Variants in ARFGAP1 observed in about 807,000 individuals in gnomAD.
ARFGAP1 encodes ARF GTPase activating protein 1.
A neutral mutation model predicts 54.0 loss-of-function variants in ARFGAP1; 26 were observed. The observed-to-expected ratio is 0.48, with a 90% CI of 0.35 to 0.67. The LOEUF is 0.67. Among genes scored for constraint, ARFGAP1 ranks in the 30% least tolerant of loss-of-function variants. The pLI is 0.00. For missense variants in ARFGAP1, 525 were observed against 535.8 expected (o/e 0.98, Z 0.20); for synonymous variants, 248 against 211.9 (o/e 1.17, Z -1.48).
chr20:63,286,781 A>C lies in ARFGAP1; in HGVS notation c.911+339A>C, dbSNP rs2067565292. On this transcript the variant is annotated intron_variant, in intron 12 of 12. Transcript: ENST00000370283. ...TAGGGTGGGAGGGAGGGTCTCACCC[A>C]TATGCCCCCACGTAGGAGGAGCTGG... 1.1e-5 allele frequency: 3 copies of C among 273,306 alleles called. No homozygotes were observed. The South Asian group carries it at 1.6e-4, about 14-fold the overall frequency. The allele number at this position is 273,306 out of a possible 1,614,324, so 16.9% of individuals were successfully genotyped here.
intron 7 of ARFGAP1, 56 bp downstream of exon 7, chr20:63,279,051 C>G (rs927318213): frequency 8.3e-6 from 13 of 1,562,320 alleles, no homozygotes; most frequent in Admixed American, 1.7e-5. Context: ...CCTGAGGGCA[C>G]GACGGGCCAT....
At chr20:63,280,750 G>A (rs2067359333) in intron 7 of ARFGAP1, among the ~76,000 whole-genome samples, 1 of 152,234 alleles carries the variant, frequency 6.6e-6, no homozygotes, top group African/African-American at 2.4e-5. Flanking sequence ...CTCTGGGGAA[G>A]GCAGCTCAGC....
chr20:63,274,452 C>T (rs1007537895), intron 1 of ARFGAP1, among the ~76,000 whole-genome samples: 5 of 151,968 alleles, frequency 3.3e-5, no homozygotes, highest in Non-Finnish European at 7.4e-5. Context: ...TCTACACAGT[C>T]CTCTTAAACA....
chr20:63,283,512 T>C, intron 9 of ARFGAP1: 1 of 351,188 alleles, frequency 2.8e-6, no homozygotes, highest in Non-Finnish European at 5.2e-6. Flanking sequence ...GGCGAGGGTG[T>C]CCTTTCTCAC....
rs568816143 is a variant in ARFGAP1, at chr20:63,276,378, C to T, written c.171-102C>T. The T allele has an allele frequency of 6.1e-6, 9 of 1,465,970 alleles. No homozygotes were observed. Among genetic ancestry groups the T allele is most frequent in the Admixed American group, 1.9e-5 (1 of 53,518 alleles). The allele number at this position is 1,465,970 out of a possible 1,614,324, so 90.8% of individuals were successfully genotyped here. ...AGCTGCTGGCCACTCAGCCTCCCTGCGGCTGCTGCTTGCTGTGTCTAATTC... is the reference window on the plus strand; with the variant it reads ...AGCTGCTGGCCACTCAGCCTCCCTGTGGCTGCTGCTTGCTGTGTCTAATTC... On this transcript the variant is annotated intron_variant, in intron 3 of 12. Coordinates refer to ENST00000370283, the MANE Select transcript of ARFGAP1 (RefSeq NM_018209.4). The surrounding 1 kb of genome is among the most constrained non-coding windows in gnomAD (Gnocchi z 5.2).
chr20:63,278,685 C>G (rs1273611263), intron 6 of ARFGAP1: 1 of 567,384 alleles, frequency 1.8e-6, no homozygotes, highest in African/African-American at 1.9e-5. Context: ...TGGGGACTTG[C>G]TGGGGACCCT....
intron 9 of ARFGAP1, 81 bp downstream of exon 9, chr20:63,282,932 C>A: frequency 1.4e-6 from 2 of 1,460,932 alleles, no homozygotes; most frequent in Non-Finnish European, 1.9e-6. Flanking sequence ...CTGAAGCTGC[C>A]TGGTTCCCTC....
At chr20:63,282,124 C>G (rs938851770) in intron 8 of ARFGAP1, among the ~76,000 whole-genome samples, 1 of 152,126 alleles carries the variant, frequency 6.6e-6, no homozygotes, top group African/African-American at 2.4e-5. Flanking sequence ...GTCACATGCC[C>G]CTGTGGTCAC....
Position 63,276,273 on chromosome 20 carries a change from G to A in ARFGAP1, c.170+73G>A. The A allele has an allele frequency of 1.3e-6, 2 of 1,548,006 alleles. No individual in the cohort carries two copies. Among genetic ancestry groups the A allele is most frequent in the South Asian group, 2.2e-5 (2 of 89,344 alleles). On this transcript the variant is annotated intron_variant, in intron 3 of 12. Coordinates refer to ENST00000370283, the MANE Select transcript of ARFGAP1 (RefSeq NM_018209.4). This position sits in a 1 kb window ranked among gnomAD's most constrained non-coding sequence, Gnocchi z 5.2. ...AGCATCTGTTCCTGACACCAGAGGT[G>A]CTGACGCCAGGGAAGCTTGGGGGCC...
At chr20:63,284,535 C>T (rs1568741056) in intron 9 of ARFGAP1, 5 of 1,193,074 alleles carry the variant, frequency 4.2e-6, no homozygotes, top group South Asian at 2.0e-5. Flanking sequence ...TGGCTGCAGC[C>T]GGCGTTGGCC....
chr20:63,286,506 G>A (rs1177762936), intron 12 of ARFGAP1, 64 bp downstream of exon 12: 33 of 1,495,068 alleles, frequency 2.2e-5, no homozygotes, highest in Non-Finnish European at 2.9e-5. Flanking sequence ...CCTCCTACAG[G>A]CTCTCCAGGA....
rs2123290082 is a variant in ARFGAP1 at position 63,283,975 on chromosome 20, G to A, written c.718-891G>A. On this transcript the variant is annotated intron_variant, in intron 9 of 12. Transcript: ENST00000370283. ...CTCCTGCGTGCTGCCACTGTCTTGTGTCACCTCACATGTGCGCACGCTCAG... is the reference window on the plus strand; with the variant it reads ...CTCCTGCGTGCTGCCACTGTCTTGTATCACCTCACATGTGCGCACGCTCAG... The A allele has an allele frequency of 2.5e-6, 4 of 1,575,698 alleles. No individual in the cohort carries two copies. In the East Asian group the frequency reaches 9.0e-5, roughly 36 times the overall value.
intron 8 of ARFGAP1, among the ~76,000 whole-genome samples, chr20:63,282,606 T>C (rs1474353408): frequency 2.0e-5 from 3 of 152,240 alleles, no homozygotes; most frequent in African/African-American, 7.2e-5. Flanking sequence ...CACACCGAGC[T>C]GGCCTCCCTC....
chr20:63,273,473 G>A (rs754649783), intron 1 of ARFGAP1: 34 of 152,222 alleles, frequency 2.2e-4, no homozygotes, highest in Non-Finnish European at 5.0e-4. Context: ...GAGTTTTTGC[G>A]TTATTTTTCA....
chr20:63,278,067 T>G (rs770867264), intron 5 of ARFGAP1, 50 bp from the exon 6 acceptor site: 80 of 1,572,934 alleles, frequency 5.1e-5, no homozygotes, highest in Non-Finnish European at 6.3e-5. Context: ...TGGGGTTACC[T>G]CAGACTTCAC....
intron 7 of ARFGAP1, among the ~76,000 whole-genome samples, chr20:63,279,967 C>T (rs559417098): frequency 7.2e-5 from 11 of 152,238 alleles, no homozygotes; most frequent in East Asian, 3.9e-4. Context: ...GGCGAAACCC[C>T]GTCTCTACTA....
At chr20:63,282,028 G>A (rs1272617527) in intron 8 of ARFGAP1, among the ~76,000 whole-genome samples, 2 of 152,010 alleles carry the variant, frequency 1.3e-5, no homozygotes, top group Non-Finnish European at 2.9e-5. Flanking sequence ...CCCTGGCCCC[G>A]TGTCTTCCCC....
In ARFGAP1 at chr20:63,277,194, C is replaced by G. The variant is rs1416067105; in HGVS notation, c.343-11C>G. On this transcript the variant is annotated splice_polypyrimidine_tract_variant and intron_variant, in intron 4 of 12. Transcript: ENST00000370283. ...CTTTATGCTCTCGAATGCCCTGTGTCTCCTTGTCAGGTGGTCGCTCTGGCC... is the reference window on the plus strand; with the variant it reads ...CTTTATGCTCTCGAATGCCCTGTGTGTCCTTGTCAGGTGGTCGCTCTGGCC... 6.2e-7 allele frequency: 1 copy of G among 1,610,372 alleles called. No individual in the cohort carries two copies. The highest frequency in any genetic ancestry group is 1.1e-5 in the South Asian group (1 of 90,960).
intron 9 of ARFGAP1, chr20:63,283,968 G>A: frequency 1.3e-6 from 2 of 1,581,882 alleles, no homozygotes; most frequent in Non-Finnish European, 8.6e-7. Context: ...TGCTGCCACT[G>A]TCTTGTGTCA....
Sources: gnomAD v4.1 joint callset for allele counts (sites outside exome capture counted in the v4.1 genomes callset) on GRCh38, gnomAD v4.1.1 for gene constraint, Gnocchi (gnomAD v3.1) non-coding constraint, MANE v1.5 for transcripts, NCBI Gene and HGNC (gene_info 2026-07-23, HGNC 2026-07-21) for gene names.